Variants in FRYL observed in about 807,000 individuals in gnomAD.
FRYL encodes FRY like transcription coactivator, also known as protein furry homolog-like.
In FRYL, 150 loss-of-function variants were observed where a neutral mutation model predicts 351.2. The ratio of observed to expected loss-of-function variants is 0.43; its 90% CI spans 0.37 to 0.49. FRYL has a LOEUF of 0.49. Among genes scored for constraint, FRYL ranks in the 20% least tolerant of loss-of-function variants. The pLI is 0.00. For synonymous variants in FRYL, 1,153 were observed against 1,257.1 expected, an observed-to-expected ratio of 0.92 and a Z score of 1.75; for missense variants, 3,036 against 3,619.3, an observed-to-expected ratio of 0.84 and a Z score of 4.13.
intron 2 of FRYL, among the ~76,000 whole-genome samples, chr4:48,695,295 G>A (rs931963567): frequency 1.3e-5 from 2 of 152,054 alleles, no homozygotes; most frequent in East Asian, 3.9e-4. Flanking sequence ...CTAGAAAAGT[G>A]GTGTTCGGAA....
intron 1 of FRYL, among the ~76,000 whole-genome samples, chr4:48,748,655 CA>C (rs1473008025): frequency 2.0e-5 from 3 of 152,072 alleles, no homozygotes; most frequent in African/African-American, 7.2e-5. Flanking sequence ...AAATAAAAAC[CA>C]AGCATCAACT....
chr4:48,515,194 A>C lies in FRYL; in HGVS notation c.7771T>G (p.Ser2591Ala). 1.9e-6 allele frequency: 3 copies of C among 1,613,792 alleles called. No individual in the cohort carries two copies. Among genetic ancestry groups the C allele is most frequent in the South Asian group, 2.2e-5 (2 of 91,078 alleles). The change falls in exon 56 of 64, where the codon TCT becomes GCT. Residue 2591 changes from serine (S) to alanine (A), a missense_variant. By Grantham distance (99) the Ser-to-Ala change is moderately conservative (BLOSUM62 1). Coordinates refer to ENST00000358350, the MANE Select transcript of FRYL (RefSeq NM_015030.2). Reference sequence around the variant, plus strand: ...TCAAGAATTCCTTGACACACAAGAGATTCCTGCTGTTCTTGAATTATATAG... The same window carrying C: ...TCAAGAATTCCTTGACACACAAGAGCTTCCTGCTGTTCTTGAATTATATAG... ...GSYIIQEQQESLVCQGILDLE... is the reference protein window; with the variant it reads ...GSYIIQEQQEALVCQGILDLE...
Position 48,551,560 on chromosome 4 carries a change from T to C in FRYL, c.4454A>G (p.Asn1485Ser), listed in dbSNP as rs1434605459. ...GCCATCTGTGGGAGCTACCATTGTA[T>C]TGCTACTGGAAGTAGTTCCTGTAAT... Reference protein sequence around the residue: ...SVTSGTTSSSNTMVAPTDGNP... With the variant: ...SVTSGTTSSSSTMVAPTDGNP... Residue 1485 changes from asparagine to serine, a missense_variant, in exon 37 of 64, where the codon AAT (asparagine) becomes AGT (serine). Coordinates refer to ENST00000358350, the MANE Select transcript of FRYL (RefSeq NM_015030.2). 7.5e-6 allele frequency: 12 copies of C among 1,610,456 alleles called. No individual in the cohort carries two copies. The highest frequency in any genetic ancestry group is 2.2e-5 in the East Asian group (1 of 44,830).
At chr4:48,712,103 C>T (rs530365490) in intron 1 of FRYL, among the ~76,000 whole-genome samples, 9 of 152,196 alleles carry the variant, frequency 5.9e-5, no homozygotes, top group Non-Finnish European at 1.2e-4. Flanking sequence ...GTAGATAAAA[C>T]CACAAAGATG....
intron 1 of FRYL, among the ~76,000 whole-genome samples, chr4:48,725,597 C>T (rs748525756): frequency 5.3e-5 from 8 of 152,138 alleles, no homozygotes; most frequent in Non-Finnish European, 8.8e-5. Context: ...CCTGCCCACC[C>T]GGGACATGAA....
chr4:48,596,795 C>T (rs1744676029), intron 13 of FRYL, among the ~76,000 whole-genome samples: 1 of 151,310 alleles, frequency 6.6e-6, no homozygotes, highest in African/African-American at 2.4e-5. Flanking sequence ...TTCATTCTAG[C>T]TGTTATAAAA....
At chr4:48,773,959 G>A (rs1775765659) in intron 1 of FRYL, among the ~76,000 whole-genome samples, 1 of 152,156 alleles carries the variant, frequency 6.6e-6, no homozygotes. Flanking sequence ...TTCTAAACTT[G>A]GAGCTACCCA....
intron 7 of FRYL, among the ~76,000 whole-genome samples, chr4:48,611,849 T>C (rs1446695787): frequency 6.6e-6 from 1 of 152,190 alleles, no homozygotes; most frequent in Non-Finnish European, 1.5e-5. Context: ...ATCTTCAAGA[T>C]ATCATTTTAT....
Position 48,501,682 on chromosome 4 carries a change from G to C in FRYL, c.8533C>G (p.Leu2845Val), listed in dbSNP as rs1456691230. 5 of 1,611,040 alleles carry C rather than the reference G, an allele frequency of 3.1e-6. No individual in the cohort carries two copies. Among genetic ancestry groups the C allele is most frequent in the Non-Finnish European group, 4.2e-6 (5 of 1,177,838 alleles). Residue 2845 changes from leucine to valine, a missense_variant, in exon 62 of 64, where the codon CTG becomes GTG. Physicochemically the swap from Leu to Val is conservative, Grantham distance 32. Transcript: ENST00000358350. ...LYKLHFQLLL[L>V]FQAYCKLINQ... ...ATAAGTTTACAGTAGGCCTGGAACA[G>C]AAGCAGCAATTGAAAATGCAATTTG...
chr4:48,616,198 C>T (rs1290515479), intron 7 of FRYL, among the ~76,000 whole-genome samples: 1 of 151,278 alleles, frequency 6.6e-6, no homozygotes, highest in Non-Finnish European at 1.5e-5. Context: ...GCACATGTAC[C>T]CCAGCACTTA....
At chr4:48,555,647 C>A (rs1733914129) in intron 35 of FRYL, among the ~76,000 whole-genome samples, 1 of 152,112 alleles carries the variant, frequency 6.6e-6, no homozygotes, top group Non-Finnish European at 1.5e-5. Context: ...GCAAAGGGGG[C>A]CAGCGCAGCT....
rs1441391934 is a variant in FRYL at position 48,557,594 on chromosome 4, C to T, written c.3984G>A (p.Arg1328=). ...AATCATCTTCATCTTCATCATGTCG[C>T]CTTGCTGTGGGGAGAGGTTTTAAGT... ...LVDLKPLPTA[R]RHDEDEDDSL... Residue 1328 remains arginine, a synonymous_variant, in exon 34 of 64, where the codon AGG becomes AGA. Transcript: ENST00000358350. 7.4e-6 allele frequency: 12 copies of T among 1,614,044 alleles called. No homozygotes were observed. The highest frequency in any genetic ancestry group is 9.3e-6 in the Non-Finnish European group (11 of 1,180,046).
At chr4:48,725,839 AT>A (rs138334197) in intron 1 of FRYL, among the ~76,000 whole-genome samples, 4,113 of 152,254 alleles carry the variant, frequency 0.027, 193 homozygotes, top group African/African-American at 0.094. Context: ...ACTGCGCCTT[AT>A]TTAGGAATTA....
chr4:48,663,342 T>A (rs868262233), intron 3 of FRYL, among the ~76,000 whole-genome samples: 3,092 of 99,626 alleles, frequency 0.031, 88 homozygotes, highest in African/African-American at 0.087. Context: ...TATAATTTAA[T>A]TTAATTTAAT....
intron 3 of FRYL, among the ~76,000 whole-genome samples, chr4:48,665,998 A>C (rs1761653960): frequency 6.6e-6 from 1 of 152,232 alleles, no homozygotes; most frequent in Non-Finnish European, 1.5e-5. Context: ...TAACAAAATA[A>C]AGGTCTAAAC....
chr4:48,668,467 T>C (rs1208149037), intron 3 of FRYL, among the ~76,000 whole-genome samples: 3 of 151,754 alleles, frequency 2.0e-5, no homozygotes, highest in Admixed American at 6.6e-5. Context: ...ATGTGCTAGA[T>C]GGTTTTGAAG....
At chr4:48,544,734 G>A (rs1326586205) in intron 43 of FRYL, 49 bp downstream of exon 43, 1 of 1,477,918 alleles carries the variant, frequency 6.8e-7, no homozygotes, top group Non-Finnish European at 9.1e-7. Flanking sequence ...ATCAGAAATT[G>A]ACATCACATT....
At chr4:48,605,370 A>C (rs889166769) in intron 11 of FRYL, among the ~76,000 whole-genome samples, 6 of 152,234 alleles carry the variant, frequency 3.9e-5, no homozygotes, top group Non-Finnish European at 4.4e-5. Context: ...AAGTGAATTC[A>C]ATGTTTAAAA....
At chr4:48,638,204 T>A (rs547152585) in intron 3 of FRYL, 1 of 152,112 alleles carries the variant, frequency 6.6e-6, no homozygotes, top group Non-Finnish European at 1.5e-5. Context: ...TACACAAATA[T>A]TATATGCATA....
Sources: allele counts gnomAD v4.1 joint callset (sites outside exome capture counted in the v4.1 genomes callset), GRCh38; gene constraint gnomAD v4.1.1; transcripts MANE v1.5; gene names NCBI Gene and HGNC (gene_info 2026-07-23, HGNC 2026-07-21).